Variants in PTPRN2 observed in about 807,000 individuals in gnomAD.
PTPRN2 encodes the protein protein tyrosine phosphatase receptor type N2.
Under a neutral mutation model 118.8 loss-of-function variants are expected in PTPRN2, and 74 were observed. The observed-to-expected ratio is 0.62, with a 90% CI of 0.52 to 0.76. The LOEUF (loss-of-function observed/expected upper bound fraction) is 0.76, where lower values mean the gene tolerates loss of function less well. Among genes scored for constraint, PTPRN2 ranks in the 30% least tolerant of loss-of-function variants. The pLI, the probability that PTPRN2 is intolerant of heterozygous loss-of-function variation, is 0.00. For synonymous variants in PTPRN2, 641 were observed against 608.0 expected, an observed-to-expected ratio of 1.05 and a Z score of -0.80; for missense variants, 1,481 against 1,394.4, an observed-to-expected ratio of 1.06 and a Z score of -0.99.
At chr7:158,543,293 G>C (rs1268697236) in intron 1 of PTPRN2, among the ~76,000 whole-genome samples, 2 of 152,160 alleles carry the variant, frequency 1.3e-5, no homozygotes, top group Non-Finnish European at 2.9e-5. Context: ...CTCTGAAGGT[G>C]GGTGGGAAGA....
At chr7:157,853,844 A>G (rs1809476549) in intron 12 of PTPRN2, among the ~76,000 whole-genome samples, 1 of 152,164 alleles carries the variant, frequency 6.6e-6, no homozygotes, top group Non-Finnish European at 1.5e-5. Context: ...TGTGGAGGTA[A>G]CTGGCTAAGT....
At chr7:158,252,515 C>A (rs6962178) in intron 3 of PTPRN2, among the ~76,000 whole-genome samples, 120,589 of 151,806 alleles carry the variant, frequency 0.79, 48,179 homozygotes, top group African/African-American at 0.87. Flanking sequence ...TCCCTCACTA[C>A]CCCCCAGCCC....
intron 1 of PTPRN2, among the ~76,000 whole-genome samples, chr7:158,495,006 C>G (rs562992206): frequency 9.9e-5 from 15 of 152,280 alleles, no homozygotes; most frequent in Admixed American, 4.6e-4. Flanking sequence ...GTCAGTCACT[C>G]TGTGTCTTTG....
intron 11 of PTPRN2, among the ~76,000 whole-genome samples, chr7:158,020,380 A>AG (rs1806784043): frequency 6.6e-6 from 1 of 152,110 alleles, no homozygotes; most frequent in Admixed American, 6.5e-5. Flanking sequence ...TGAGGGGGTG[A>AG]GGGGGTGTCC....
intron 21 of PTPRN2, among the ~76,000 whole-genome samples, chr7:157,563,087 C>A (rs1331870855): frequency 1.5e-5 from 2 of 135,172 alleles, no homozygotes; most frequent in Admixed American, 1.4e-4. Flanking sequence ...CACGTGCTCC[C>A]ACGTCACCAC....
intron 12 of PTPRN2, among the ~76,000 whole-genome samples, chr7:157,849,065 G>A (rs1163747299): frequency 3.9e-5 from 6 of 152,236 alleles, no homozygotes; most frequent in Admixed American, 2.0e-4. Flanking sequence ...CGGTCCCAGC[G>A]TGGCTGGCGT....
chr7:158,312,439 C>T (rs1801900400), intron 3 of PTPRN2, among the ~76,000 whole-genome samples: 1 of 151,786 alleles, frequency 6.6e-6, no homozygotes, highest in Non-Finnish European at 1.5e-5. Context: ...TGCACACACC[C>T]CTGCGCACTC....
intron 10 of PTPRN2, among the ~76,000 whole-genome samples, chr7:158,097,487 G>C (rs1348749810): frequency 6.6e-6 from 1 of 152,230 alleles, no homozygotes; most frequent in Non-Finnish European, 1.5e-5. Flanking sequence ...TGCGTGCCCC[G>C]AATGCCCCGG....
At chr7:157,820,644 A>G (rs1196933506) in intron 12 of PTPRN2, among the ~76,000 whole-genome samples, 1 of 152,138 alleles carries the variant, frequency 6.6e-6, no homozygotes, top group Non-Finnish European at 1.5e-5. Flanking sequence ...ACACGTGCAC[A>G]CACACATGCA....
At chr7:158,445,670 T>C (rs1056291057) in intron 2 of PTPRN2, among the ~76,000 whole-genome samples, 1 of 152,210 alleles carries the variant, frequency 6.6e-6, no homozygotes, top group African/African-American at 2.4e-5. Flanking sequence ...CTGCTGCTCA[T>C]CAAGGGAACA....
Position 158,314,493 on chromosome 7 carries a change from C to T in PTPRN2, c.277+2326G>A, listed in dbSNP as rs116983505. Among the ~76,000 whole-genome samples the T allele has an allele frequency of 7.0e-3, 1,068 of 152,376 alleles. 7 individuals are homozygous for T. Among genetic ancestry groups the T allele is most frequent in the Non-Finnish European group, 0.01 (695 of 68,032 alleles). On this transcript the variant is annotated intron_variant, in intron 3 of 22. Transcript: ENST00000389418. ...TACATTGATACCCATATCTACGTGC[C>T]CTGCCAAGCCTGGCACTGGCCTGCG...
intron 12 of PTPRN2, among the ~76,000 whole-genome samples, chr7:157,834,641 C>G (rs1468371941): frequency 2.6e-5 from 4 of 152,272 alleles, no homozygotes; most frequent in African/African-American, 9.6e-5. Context: ...GCGGGCGGCT[C>G]CAGACAGAAA....
Position 157,609,949 on chromosome 7 carries a change from G to T in PTPRN2, c.2345-5874C>A, listed in dbSNP as rs981767959. Among the ~76,000 whole-genome samples, 9 of 152,138 alleles carry T rather than the reference G, an allele frequency of 5.9e-5. No homozygotes were observed. In the South Asian group the frequency reaches 1.9e-3, roughly 32 times the overall value. ...AGCTAAGCATGCTAGAGGACGCGGCGGTATAGTCATTAATCATGATCTAGA... is the reference window on the plus strand; with the variant it reads ...AGCTAAGCATGCTAGAGGACGCGGCTGTATAGTCATTAATCATGATCTAGA... On this transcript the variant is annotated intron_variant, in intron 15 of 22. Coordinates refer to ENST00000389418, the MANE Select transcript of PTPRN2 (RefSeq NM_002847.5). This position sits in a 1 kb window ranked among gnomAD's most constrained non-coding sequence, Gnocchi z 4.9.
At chr7:158,227,074 A>G (rs1828842833) in intron 3 of PTPRN2, among the ~76,000 whole-genome samples, 1 of 152,138 alleles carries the variant, frequency 6.6e-6, no homozygotes, top group Admixed American at 6.5e-5. Flanking sequence ...TGGAGGCCTC[A>G]GAGCTACTCA....
chr7:158,518,160 C>A (rs1586847787), intron 1 of PTPRN2, among the ~76,000 whole-genome samples: 1 of 152,082 alleles, frequency 6.6e-6, no homozygotes, highest in Non-Finnish European at 1.5e-5. Flanking sequence ...ATAGTTAGAG[C>A]CCAATAGTTC....
At chr7:158,110,138 G>T (rs1280825535) in intron 10 of PTPRN2, among the ~76,000 whole-genome samples, 1 of 152,218 alleles carries the variant, frequency 6.6e-6, no homozygotes, top group Non-Finnish European at 1.5e-5. Context: ...CGTCCTCTGT[G>T]GATGTCACTC....
At chr7:157,921,903 A>T (rs776614005) in intron 11 of PTPRN2, among the ~76,000 whole-genome samples, 4 of 152,190 alleles carry the variant, frequency 2.6e-5, no homozygotes, top group Admixed American at 1.3e-4. Context: ...AACTGTGACA[A>T]ACAGACCATC....
At chr7:158,289,130 TTATAA>T (rs1279067632) in intron 3 of PTPRN2, among the ~76,000 whole-genome samples, 1 of 152,208 alleles carries the variant, frequency 6.6e-6, no homozygotes, top group Middle Eastern at 3.2e-3. Flanking sequence ...GACAGTTTGA[TTATAA>T]TATATCTCAG....
At chr7:158,576,327 C>A (rs1828315053) in intron 1 of PTPRN2, among the ~76,000 whole-genome samples, 1 of 151,822 alleles carries the variant, frequency 6.6e-6, no homozygotes. Context: ...CTGTAAAGTT[C>A]TGCTTCTGAC....
Sources: gnomAD v4.1 joint callset for allele counts (sites outside exome capture counted in the v4.1 genomes callset) on GRCh38, gnomAD v4.1.1 for gene constraint, Gnocchi (gnomAD v3.1) non-coding constraint, MANE v1.5 for transcripts, NCBI Gene and HGNC (gene_info 2026-07-23, HGNC 2026-07-21) for gene names.